Variants in ARHGAP6 observed in about 807,000 individuals in gnomAD.
ARHGAP6 encodes the protein rho GTPase-activating protein 6.
In ARHGAP6, 16 loss-of-function variants were observed where a neutral mutation model predicts 55.7. That is an observed-to-expected ratio of 0.29 (90% CI 0.19 to 0.44). The LOEUF (loss-of-function observed/expected upper bound fraction) is 0.44, where lower values mean the gene tolerates loss of function less well. Among genes scored for constraint, ARHGAP6 ranks in the 20% least tolerant of loss-of-function variants. The pLI, the probability that ARHGAP6 is intolerant of heterozygous loss-of-function variation, is 1.00. For synonymous variants in ARHGAP6, 382 were observed against 360.9 expected, an observed-to-expected ratio of 1.06 and a Z score of -0.66; for missense variants, 698 against 808.9, an observed-to-expected ratio of 0.86 and a Z score of 1.66.
At chrX:11,313,448 T>C (rs967946670) in intron 1 of ARHGAP6, among the ~76,000 whole-genome samples, 1 of 112,091 alleles carries the variant, frequency 8.9e-6, no homozygotes, top group African/African-American at 3.2e-5. Flanking sequence ...TAGGGGTTTC[T>C]GTCTATGCTG....
chrX:11,427,047 A>G (rs1467307488), intron 1 of ARHGAP6, among the ~76,000 whole-genome samples: 1 of 110,741 alleles, frequency 9.0e-6, no homozygotes, highest in Non-Finnish European at 1.9e-5. Flanking sequence ...GCCACAAAGT[A>G]GGAGGGAAAT....
intron 1 of ARHGAP6, among the ~76,000 whole-genome samples, chrX:11,520,128 ATT>A (rs2050898118): frequency 3.6e-5 from 1 of 27,865 alleles, no homozygotes; most frequent in Non-Finnish European, 6.6e-5. Context: ...TAGAGAATTG[ATT>A]TTATATATAT....
chrX:11,562,091 AG>A (rs1230425998), intron 1 of ARHGAP6, among the ~76,000 whole-genome samples: 2 of 110,403 alleles, frequency 1.8e-5, no homozygotes, highest in Non-Finnish European at 3.8e-5. Flanking sequence ...AGGAGCTCAT[AG>A]GAAGGGCAAG....
At chrX:11,293,899 T>C (rs926950331) in intron 1 of ARHGAP6, among the ~76,000 whole-genome samples, 6 of 112,313 alleles carry the variant, frequency 5.3e-5, no homozygotes, top group African/African-American at 1.6e-4. Context: ...GTACTTTTCA[T>C]AGACAGCATT....
At chrX:11,226,273 A>C (rs537110196) in intron 2 of ARHGAP6, among the ~76,000 whole-genome samples, 2 of 109,459 alleles carry the variant, frequency 1.8e-5, no homozygotes, top group South Asian at 7.9e-4. Flanking sequence ...TAGTTTGCTG[A>C]GAATGATGGT....
intron 1 of ARHGAP6, among the ~76,000 whole-genome samples, chrX:11,500,663 CAAAAAAAAAA>C (rs995574477): frequency 6.8e-4 from 23 of 33,612 alleles, no homozygotes; most frequent in African/African-American, 2.3e-3. Context: ...CAGACTCTGT[CAAAAAAAAAA>C]AAAAAAAAAA....
chrX:11,519,806 C>A (rs1422414955), intron 1 of ARHGAP6, among the ~76,000 whole-genome samples: 1 of 106,844 alleles, frequency 9.4e-6, no homozygotes, highest in Admixed American at 1.0e-4. Context: ...GAAACTGGAC[C>A]CCTTCCTTAC....
chrX:11,162,961 T>C (rs1040281971), intron 9 of ARHGAP6, among the ~76,000 whole-genome samples: 3 of 112,209 alleles, frequency 2.7e-5, no homozygotes, highest in Admixed American at 9.5e-5. Context: ...GTGAAAGACA[T>C]ATTACATTTT....
intron 1 of ARHGAP6, chrX:11,427,941 G>A: frequency 1.8e-5 from 6 of 340,065 alleles, no homozygotes; most frequent in Non-Finnish European, 2.3e-5. Context: ...GGCCGCCGCC[G>A]CTGACAGCTG....
intron 1 of ARHGAP6, among the ~76,000 whole-genome samples, chrX:11,387,834 C>G (rs927791269): frequency 4.5e-4 from 50 of 111,197 alleles, no homozygotes; most frequent in African/African-American, 1.3e-3. Flanking sequence ...ATAGTTTGCT[C>G]AGAATGATGG....
chrX:11,498,140 T>C (rs922735392), intron 1 of ARHGAP6, among the ~76,000 whole-genome samples: 5 of 112,083 alleles, frequency 4.5e-5, no homozygotes, highest in Non-Finnish European at 7.5e-5. Context: ...AATTTATCTA[T>C]TCTCATAAGG....
intron 1 of ARHGAP6, among the ~76,000 whole-genome samples, chrX:11,558,067 A>T (rs2051339698): frequency 1.8e-5 from 2 of 112,010 alleles, no homozygotes; most frequent in African/African-American, 6.5e-5. Flanking sequence ...TTACAAACCC[A>T]CACGCTCCAT....
intron 1 of ARHGAP6, among the ~76,000 whole-genome samples, chrX:11,342,282 T>C (rs1443618992): frequency 1.8e-5 from 2 of 112,080 alleles, no homozygotes; most frequent in Non-Finnish European, 3.8e-5. Context: ...GGTAGTCTTA[T>C]TGCTGACTGA....
intron 1 of ARHGAP6, among the ~76,000 whole-genome samples, chrX:11,493,857 T>C (rs2050596393): frequency 1.1e-5 from 1 of 92,583 alleles, no homozygotes; most frequent in Admixed American, 1.4e-4. Context: ...TTTTTTGAGA[T>C]GGGTCTTGCT....
intron 1 of ARHGAP6, among the ~76,000 whole-genome samples, chrX:11,311,893 C>T (rs772246383): frequency 9.0e-6 from 1 of 111,241 alleles, no homozygotes; most frequent in South Asian, 3.8e-4. Context: ...TATTCATTGG[C>T]TTACATTCAG....
chrX:11,269,763 G>A (rs1390572868), intron 1 of ARHGAP6, among the ~76,000 whole-genome samples: 3 of 111,760 alleles, frequency 2.7e-5, no homozygotes, highest in Non-Finnish European at 5.7e-5. Context: ...TAGGTGATAA[G>A]CCAATGTATA....
intron 1 of ARHGAP6, among the ~76,000 whole-genome samples, chrX:11,290,666 G>A (rs1190339935): frequency 1.8e-5 from 2 of 111,122 alleles, no homozygotes; most frequent in African/African-American, 6.6e-5. Context: ...CTCAAGAGTT[G>A]AACTCTTACA....
At chrX:11,599,364 A>T (rs142136582) in intron 1 of ARHGAP6, among the ~76,000 whole-genome samples, 1,528 of 111,829 alleles carry the variant, frequency 0.014, 26 homozygotes, top group African/African-American at 0.047. Flanking sequence ...ATGGGGCACA[A>T]TGTGATGTTT....
intron 2 of ARHGAP6, among the ~76,000 whole-genome samples, chrX:11,211,441 A>G (rs1017007537): frequency 9.0e-5 from 10 of 110,533 alleles, no homozygotes; most frequent in East Asian, 2.8e-4. Context: ...CGTATTAGCC[A>G]GGATGTTCTC....
Sources: gnomAD v4.1 joint callset for allele counts (sites outside exome capture counted in the v4.1 genomes callset) on GRCh38, gnomAD v4.1.1 for gene constraint, MANE v1.5 for transcripts, NCBI Gene and HGNC (gene_info 2026-07-23, HGNC 2026-07-21) for gene names.